The following AUTS2 variants were observed in gnomAD, a reference collection of about 807,000 sequenced individuals.
AUTS2 encodes autism susceptibility gene 2 protein.
Under a neutral mutation model 112.4 loss-of-function variants are expected in AUTS2, and 17 were observed. That is an observed-to-expected ratio of 0.15 (90% CI 0.10 to 0.23). The LOEUF is 0.23. Among genes scored for constraint, AUTS2 ranks in the 10% least tolerant of loss-of-function variants. AUTS2 has a pLI of 1.00. For missense variants in AUTS2, 1,510 were observed against 1,701.6 expected (o/e 0.89, Z 1.98); for synonymous variants, 751 against 702.7 (o/e 1.07, Z -1.09).
At chr7:69,827,089 T>C (rs1407538198) in intron 1 of AUTS2, among the ~76,000 whole-genome samples, 1 of 152,180 alleles carries the variant, frequency 6.6e-6, no homozygotes, top group Non-Finnish European at 1.5e-5. Context: ...GGAAATGCTT[T>C]CCTTGGGCCC....
chr7:69,623,023 TTGGGTA>T (rs1341655150), intron 1 of AUTS2, among the ~76,000 whole-genome samples: 2 of 152,278 alleles, frequency 1.3e-5, no homozygotes, highest in East Asian at 3.9e-4. Flanking sequence ...GTCACACATG[TTGGGTA>T]TGGAGAATTT....
chr7:70,758,909 C>T (rs1463749223), intron 6 of AUTS2, among the ~76,000 whole-genome samples: 5 of 30,106 alleles, frequency 1.7e-4, no homozygotes, highest in African/African-American at 1.1e-4. Context: ...AAATGCCTGA[C>T]GCCTGTGCCT....
chr7:69,743,028 C>T (rs977038372), intron 1 of AUTS2, among the ~76,000 whole-genome samples: 2 of 152,166 alleles, frequency 1.3e-5, no homozygotes, highest in African/African-American at 4.8e-5. Flanking sequence ...GTGGCTCTTG[C>T]TTGGAGGCAA....
intron 1 of AUTS2, among the ~76,000 whole-genome samples, chr7:69,875,540 C>G (rs957925800): frequency 2.6e-5 from 4 of 152,134 alleles, no homozygotes; most frequent in African/African-American, 9.7e-5. Context: ...TGCCCATATC[C>G]TGGTTCCATT....
At chr7:69,697,913 C>G (rs1256565957) in intron 1 of AUTS2, among the ~76,000 whole-genome samples, 1 of 152,164 alleles carries the variant, frequency 6.6e-6, no homozygotes, top group African/African-American at 2.4e-5. Flanking sequence ...TCAAGTAGAT[C>G]AGACATTTTG....
At chr7:70,509,704 G>T (rs1296073574) in intron 5 of AUTS2, among the ~76,000 whole-genome samples, 1 of 152,006 alleles carries the variant, frequency 6.6e-6, no homozygotes, top group Non-Finnish European at 1.5e-5. Context: ...TGACATTTTT[G>T]AGCATAGATA....
chr7:70,602,786 A>G (rs1162053859), intron 5 of AUTS2, among the ~76,000 whole-genome samples: 1 of 152,216 alleles, frequency 6.6e-6, no homozygotes, highest in Non-Finnish European at 1.5e-5. Context: ...ACATTTGTGT[A>G]CTAAGTAGCC....
At chr7:70,471,671 T>A (rs373342518) in intron 5 of AUTS2, among the ~76,000 whole-genome samples, 5 of 152,068 alleles carry the variant, frequency 3.3e-5, no homozygotes, top group East Asian at 3.9e-4. Flanking sequence ...GTAGACTAAT[T>A]GGTGTGTGAG....
At chr7:70,012,577 T>G (rs2129554339) in intron 2 of AUTS2, among the ~76,000 whole-genome samples, 1 of 152,304 alleles carries the variant, frequency 6.6e-6, no homozygotes, top group African/African-American at 2.4e-5. Flanking sequence ...TCCTCATCTC[T>G]TTTTCCTTAC....
At chr7:69,917,974 C>G (rs1383325440) in intron 2 of AUTS2, among the ~76,000 whole-genome samples, 1 of 152,078 alleles carries the variant, frequency 6.6e-6, no homozygotes, top group African/African-American at 2.4e-5. Flanking sequence ...TCCCTAGTAG[C>G]TGGGACTACA....
chr7:69,972,774 C>A (rs1323408987), intron 2 of AUTS2, among the ~76,000 whole-genome samples: 1 of 151,528 alleles, frequency 6.6e-6, no homozygotes, highest in Non-Finnish European at 1.5e-5. Flanking sequence ...TTAAATTGTT[C>A]TTGTACCTTT....
At chr7:70,400,875 C>T (rs1027518839) in intron 4 of AUTS2, among the ~76,000 whole-genome samples, 8 of 152,066 alleles carry the variant, frequency 5.3e-5, no homozygotes, top group African/African-American at 1.9e-4. Flanking sequence ...AACAAGCTCC[C>T]TAGGCAATTC....
rs544241773 is a variant in AUTS2, at chr7:70,288,138, C to T, written c.661-147614C>T. The stretch of plus-strand genomic sequence containing the variant: ...ATTTTAAGAGCTCTACCAGGCCAGA[C>T]GCGGTGACTCACGCCTGTAATCCCA... On this transcript the variant is annotated intron_variant, in intron 4 of 18. Transcript: ENST00000342771. 5.9e-5 allele frequency among the ~76,000 whole-genome samples: 9 copies of T among 152,200 alleles called. No homozygotes were observed. The South Asian group carries it at 8.3e-4, about 14-fold the overall frequency.
chr7:70,049,116 T>C (rs575270234), intron 2 of AUTS2, among the ~76,000 whole-genome samples: 7 of 152,272 alleles, frequency 4.6e-5, no homozygotes, highest in African/African-American at 1.2e-4. Context: ...TTGAGTGGGC[T>C]AGTTAAATAG....
At chr7:70,543,858 G>T (rs1800659786) in intron 5 of AUTS2, among the ~76,000 whole-genome samples, 1 of 152,172 alleles carries the variant, frequency 6.6e-6, no homozygotes, top group South Asian at 2.1e-4. Context: ...TTCTTTGCCT[G>T]GGACTTGTTG....
chr7:70,275,537 A>G (rs906493755), intron 4 of AUTS2, among the ~76,000 whole-genome samples: 3 of 152,222 alleles, frequency 2.0e-5, no homozygotes, highest in African/African-American at 7.2e-5. Flanking sequence ...AATGGTTAGA[A>G]TGGTAAAAAA....
chr7:70,192,236 C>T (rs190854626), intron 4 of AUTS2, among the ~76,000 whole-genome samples: 7 of 152,200 alleles, frequency 4.6e-5, no homozygotes, highest in Admixed American at 4.6e-4. Flanking sequence ...CCTTCCTTTC[C>T]TTCCCTTAGA....
intron 5 of AUTS2, among the ~76,000 whole-genome samples, chr7:70,447,821 T>C (rs1260999682): frequency 6.6e-6 from 1 of 152,244 alleles, no homozygotes; most frequent in Non-Finnish European, 1.5e-5. Context: ...CTTTAATTAA[T>C]TAATAAGTCC....
At chr7:70,046,395 C>T (rs117863862) in intron 2 of AUTS2, among the ~76,000 whole-genome samples, 183 of 152,294 alleles carry the variant, frequency 1.2e-3, no homozygotes, top group Non-Finnish European at 2.2e-3. Flanking sequence ...TGCTAGGATT[C>T]GCACATACTA....
Sources: gnomAD v4.1 joint callset for allele counts (sites outside exome capture counted in the v4.1 genomes callset) on GRCh38, gnomAD v4.1.1 for gene constraint, MANE v1.5 for transcripts, NCBI Gene and HGNC (gene_info 2026-07-23, HGNC 2026-07-21) for gene names.